The following CD8B2 variants were observed in gnomAD, a reference collection of about 807,000 sequenced individuals.
The protein encoded by CD8B2 is T-cell surface glycoprotein CD8 beta-2 chain.
In CD8B2, 11 loss-of-function variants were observed where a neutral mutation model predicts 23.7. The ratio of observed to expected loss-of-function variants is 0.46; its 90% CI spans 0.29 to 0.77. The LOEUF (loss-of-function observed/expected upper bound fraction) is 0.77, where lower values mean the gene tolerates loss of function less well. Among genes scored for constraint, CD8B2 ranks in the 30% least tolerant of loss-of-function variants. CD8B2 has a pLI of 0.09. For missense variants in CD8B2, 197 were observed against 270.5 expected (o/e 0.73, Z 1.91); for synonymous variants, 90 against 109.3 (o/e 0.82, Z 1.10).
At chr2:106,499,553 C>G (rs1333201729) in intron 3 of CD8B2, among the ~76,000 whole-genome samples, 19 of 143,314 alleles carry the variant, frequency 1.3e-4, no homozygotes, top group Admixed American at 5.6e-4. Flanking sequence ...AAAAAAAAAC[C>G]TTAGTTGAGA....
chr2:106,507,191 T>A lies in CD8B2; in HGVS notation c.*251T>A. The stretch of plus-strand genomic sequence containing the variant: ...CACTTCACAGAGTGTGCTGGAGGAC[T>A]GAGTAAGAAATGCTGCCCATGCCAC... On this transcript the variant is annotated 3_prime_UTR_variant, in exon 6 of 6. Transcript: ENST00000643224. 2 of 1,305,824 alleles carry A rather than the reference T, an allele frequency of 1.5e-6. No homozygotes were observed. The highest frequency in any genetic ancestry group is 3.9e-5 in the Admixed American group (1 of 25,656). The allele number at this position is 1,305,824 out of a possible 1,614,324, so 80.9% of individuals were successfully genotyped here. A position where few individuals can be genotyped will look rare whatever the true frequency, so the allele number is the denominator to read the frequency against.
intron 5 of CD8B2, among the ~76,000 whole-genome samples, chr2:106,539,904 T>C (rs1242286190): frequency 6.6e-6 from 1 of 152,256 alleles, no homozygotes; most frequent in Non-Finnish European, 1.5e-5. Context: ...ATCTCCCTTT[T>C]TTGTCATGGG....
At chr2:106,499,733 G>T (rs1422299299) in intron 3 of CD8B2, among the ~76,000 whole-genome samples, 1 of 150,884 alleles carries the variant, frequency 6.6e-6, no homozygotes, top group Non-Finnish European at 1.5e-5. Context: ...CCCAGCCCCT[G>T]GCAGCCACTA....
Position 106,504,301 on chromosome 2 carries a change from G to C in CD8B2, c.596G>C (p.Arg199Thr). 3 of 1,555,168 alleles carry C rather than the reference G, an allele frequency of 1.9e-6. No individual in the cohort carries two copies. The East Asian group carries it at 7.3e-5, about 38-fold the overall frequency. The change falls in exon 5 of 6, where the codon AGA becomes ACA. Residue 199 changes from arginine (R) to threonine (T), a missense_variant. Transcript: ENST00000643224. ...VAMHLCCRRR[R>T]ARLRFMKQFY... Reference sequence around the variant, plus strand: ...TTTCCTCTTCCAGGCCGGCGGAGGAGAGCCCGGCTTCGTTTCATGAAACAG... The same window carrying C: ...TTTCCTCTTCCAGGCCGGCGGAGGACAGCCCGGCTTCGTTTCATGAAACAG...
At chr2:106,511,415 G>A (rs1035565574), downstream of CD8B2, among the ~76,000 whole-genome samples, 1 of 152,084 alleles carries the variant, frequency 6.6e-6, no homozygotes, top group Non-Finnish European at 1.5e-5. Context: ...GGACCTTAAT[G>A]GGTCTGGGAG....
chr2:106,515,903 A>C (rs373593540), downstream of CD8B2, among the ~76,000 whole-genome samples: 6 of 151,614 alleles, frequency 4.0e-5, no homozygotes, highest in East Asian at 7.8e-4. Context: ...GCTCACTGCA[A>C]CCTCTACCTC....
intron 5 of CD8B2, among the ~76,000 whole-genome samples, chr2:106,542,035 T>C (rs1680181804): frequency 6.6e-6 from 1 of 152,220 alleles, no homozygotes; most frequent in Non-Finnish European, 1.5e-5. Context: ...TTTTCCTTCT[T>C]CCAACTCTCC....
intron 4 of CD8B2, 129 bp from the exon 5 acceptor site, chr2:106,504,160 G>A (rs1314408008): frequency 1.3e-4 from 144 of 1,147,154 alleles, no homozygotes; most frequent in Non-Finnish European, 1.7e-4. Context: ...AAGTGTTTGG[G>A]CCAGGGTCTG....
chr2:106,520,702 C>G (rs941024692), intron 5 of CD8B2, among the ~76,000 whole-genome samples: 1 of 152,020 alleles, frequency 6.6e-6, no homozygotes. Context: ...AAACCTGTCT[C>G]TACTGAAAAT....
Position 106,507,513 on chromosome 2 carries a change from G to C in CD8B2, c.*573G>C, listed in dbSNP as rs1679534370. On this transcript the variant is annotated 3_prime_UTR_variant, in exon 6 of 6. Coordinates refer to ENST00000643224, the MANE Select transcript of CD8B2 (RefSeq NM_001349727.2). ...CGGGAACTTGCGGGTTTGAGGATAG[G>C]AGTTCACTTCATCTTCTTAGCTCCA... 1.0e-6 allele frequency: 1 copy of C among 984,630 alleles called. No individual in the cohort carries two copies. Among genetic ancestry groups the C allele is most frequent in the East Asian group, 1.1e-4 (1 of 8,824 alleles). The allele number at this position is 984,630 out of a possible 1,614,324, so 61.0% of individuals were successfully genotyped here.
At chr2:106,514,655 C>A (rs1418177886), downstream of CD8B2, among the ~76,000 whole-genome samples, 3 of 151,496 alleles carry the variant, frequency 2.0e-5, no homozygotes, top group African/African-American at 7.3e-5. Context: ...GACAGCTATC[C>A]CACGTTTGAG....
At chr2:106,512,951 T>C (rs548657413), downstream of CD8B2, among the ~76,000 whole-genome samples, 35 of 152,216 alleles carry the variant, frequency 2.3e-4, no homozygotes, top group South Asian at 7.1e-3. Flanking sequence ...CTCTGGCTCT[T>C]TCCTGCCACC....
chr2:106,528,638 A>G (rs182845875), intron 5 of CD8B2, among the ~76,000 whole-genome samples: 1 of 152,356 alleles, frequency 6.6e-6, no homozygotes, highest in East Asian at 1.9e-4. Context: ...GAAAAAGAGA[A>G]TAGCTCATGA....
Position 106,491,113 on chromosome 2 carries a change from G to T in CD8B2, c.283G>T (p.Asp95Tyr). Residue 95 changes from aspartate to tyrosine, a missense_variant, in exon 2 of 6, where the codon GAT becomes TAT. This residue lies in a region of CD8B2 where 140 missense variants were observed against 164.2 expected (regional missense o/e 0.85). Transcript: ENST00000643224. ...ACAGGAGAAGATAGCTGTGTTTCGGGATGCAAGCCGGTTCATTCTCAATCT... is the reference window on the plus strand; with the variant it reads ...ACAGGAGAAGATAGCTGTGTTTCGGTATGCAAGCCGGTTCATTCTCAATCT... ...VEQEKIAVFR[D>Y]ASRFILNLTS... is the part of the protein sequence containing the mutation. 1 of 1,613,884 alleles carries T rather than the reference G, an allele frequency of 6.2e-7. No homozygotes were observed.
In CD8B2 at chr2:106,494,766, T is replaced by C. The variant is rs566878161; in HGVS notation, c.404-1407T>C. 3.9e-5 allele frequency among the ~76,000 whole-genome samples: 6 copies of C among 152,270 alleles called. 1 individual carries two copies. The East Asian group carries it at 1.2e-3, about 30-fold the overall frequency. ...CCATCCAGGAGTCAGGACAGGGGCT[T>C]GGGGTCCCAACACAGCACTCACCAC... On this transcript the variant is annotated intron_variant, in intron 2 of 5. Coordinates refer to ENST00000643224, the MANE Select transcript of CD8B2 (RefSeq NM_001349727.2).
chr2:106,537,858 C>T (rs915014993), intron 5 of CD8B2: 7 of 152,150 alleles, frequency 4.6e-5, no homozygotes, highest in Non-Finnish European at 8.8e-5. Context: ...CAGAATCAGC[C>T]GTGGGACAGC....
chr2:106,530,678 C>T (rs940297285), intron 5 of CD8B2, among the ~76,000 whole-genome samples: 1 of 152,172 alleles, frequency 6.6e-6, no homozygotes, highest in African/African-American at 2.4e-5. Context: ...GGGGCTGAGA[C>T]CTGCTAGGCT....
chr2:106,501,149 C>A (rs578125713), intron 3 of CD8B2, among the ~76,000 whole-genome samples: 3 of 152,052 alleles, frequency 2.0e-5, no homozygotes, highest in Non-Finnish European at 2.9e-5. Flanking sequence ...CAGGAAGGCA[C>A]CTTTGTAAGG....
chr2:106,531,529 C>G (rs1014759399), intron 5 of CD8B2, among the ~76,000 whole-genome samples: 2 of 152,182 alleles, frequency 1.3e-5, no homozygotes, highest in Non-Finnish European at 2.9e-5. Flanking sequence ...AGCCAGGATG[C>G]TGCCCCTGCA....
Sources: allele counts gnomAD v4.1 joint callset (sites outside exome capture counted in the v4.1 genomes callset), GRCh38; gene constraint gnomAD v4.1.1; regional missense constraint gnomAD v4.1.1; transcripts MANE v1.5; gene names NCBI Gene and HGNC (gene_info 2026-07-23, HGNC 2026-07-21).